BMP7: variants seen among roughly 807,000 people sequenced by gnomAD.
The protein encoded by BMP7 is osteogenic protein 1.
A neutral mutation model predicts 41.2 loss-of-function variants in BMP7; 12 were observed. The observed-to-expected ratio is 0.29, with a 90% CI of 0.19 to 0.47. BMP7 has a LOEUF of 0.47. Among genes scored for constraint, BMP7 ranks in the 20% least tolerant of loss-of-function variants. The probability of loss-of-function intolerance (pLI) is 0.99; values close to 1 mark genes in which losing one functional copy is unlikely to be tolerated. For synonymous variants in BMP7, 248 were observed against 250.0 expected (o/e 0.99, Z 0.07); for missense variants, 467 against 606.0 (o/e 0.77, Z 2.41).
chr20:57,213,376 G>C lies in BMP7; in HGVS notation c.612-10753C>G, dbSNP rs2123102048. Among the ~76,000 whole-genome samples, 1 of 152,356 alleles carries C rather than the reference G, an allele frequency of 6.6e-6. No individual in the cohort carries two copies. Among genetic ancestry groups the C allele is most frequent in the East Asian group, 1.9e-4 (1 of 5,194 alleles). On this transcript the variant is annotated intron_variant, in intron 2 of 6. Coordinates refer to ENST00000395863, the MANE Select transcript of BMP7 (RefSeq NM_001719.3). This position sits in a 1 kb window ranked among gnomAD's most constrained non-coding sequence, Gnocchi z 4.4. ...CAACTTATTAATAGGATAGCTAAGAGAGGAAAATGAGAGGATCAAAAATCC... is the reference window on the plus strand; with the variant it reads ...CAACTTATTAATAGGATAGCTAAGACAGGAAAATGAGAGGATCAAAAATCC...
At chr20:57,216,515 G>A (rs1414857851) in intron 2 of BMP7, among the ~76,000 whole-genome samples, 3 of 151,210 alleles carry the variant, frequency 2.0e-5, no homozygotes, top group Non-Finnish European at 3.0e-5. Context: ...CGAGGGGGCT[G>A]TCTCCTGAGG....
At chr20:57,246,768 C>G (rs2066092184) in intron 1 of BMP7, among the ~76,000 whole-genome samples, 1 of 152,170 alleles carries the variant, frequency 6.6e-6, no homozygotes, top group South Asian at 2.1e-4. Flanking sequence ...GTGGGCGGAT[C>G]ACCTGAGGTT....
At chr20:57,206,653 C>T (rs1038988094) in intron 2 of BMP7, among the ~76,000 whole-genome samples, 2 of 152,182 alleles carry the variant, frequency 1.3e-5, no homozygotes, top group African/African-American at 4.8e-5. Context: ...CCAGATAATT[C>T]CCGTGTCTTG....
At chr20:57,262,068 C>G (rs1439591586) in intron 1 of BMP7, among the ~76,000 whole-genome samples, 1 of 152,200 alleles carries the variant, frequency 6.6e-6, no homozygotes, top group African/African-American at 2.4e-5. Flanking sequence ...AAATTTCATG[C>G]CTTCATTACC....
At chr20:57,208,520 A>G (rs1984796590) in intron 2 of BMP7, among the ~76,000 whole-genome samples, 1 of 152,200 alleles carries the variant, frequency 6.6e-6, no homozygotes, top group African/African-American at 2.4e-5. Flanking sequence ...GCCACTCTGG[A>G]AAACAGTATA....
Position 57,233,554 on chromosome 20 carries a change from C to A in BMP7, c.419-5133G>T, listed in dbSNP as rs113603576. ...AGAAGCTGCCCACCTGGGCGCCCCC[C>A]CTTCATGATCCTCTGCCATGCCAGG... On this transcript the variant is annotated intron_variant, in intron 1 of 6. Transcript: ENST00000395863. Among the ~76,000 whole-genome samples the A allele has an allele frequency of 4.6e-5, 7 of 152,332 alleles. No individual in the cohort carries two copies. In the East Asian group the frequency reaches 1.4e-3, roughly 29 times the overall value.
chr20:57,188,991 T>C (rs1236641056), intron 3 of BMP7, among the ~76,000 whole-genome samples: 4 of 152,194 alleles, frequency 2.6e-5, no homozygotes, highest in African/African-American at 9.6e-5. Context: ...CTCCCTTCCG[T>C]CTGGGTTTAC....
At chr20:57,196,368 G>A (rs1358451109) in intron 3 of BMP7, among the ~76,000 whole-genome samples, 1 of 152,170 alleles carries the variant, frequency 6.6e-6, no homozygotes, top group African/African-American at 2.4e-5. Flanking sequence ...TCAGTACATG[G>A]TCTCTCGTTC....
intron 2 of BMP7, among the ~76,000 whole-genome samples, chr20:57,222,767 T>C (rs59395874): frequency 0.081 from 12,309 of 151,410 alleles, 1,690 homozygotes; most frequent in African/African-American, 0.28. Context: ...TGAGGTGTAG[T>C]GGCAAGGGGT....
intron 4 of BMP7, among the ~76,000 whole-genome samples, chr20:57,180,610 TC>T (rs1474576391): frequency 6.6e-6 from 1 of 152,198 alleles, no homozygotes; most frequent in Non-Finnish European, 1.5e-5. Context: ...GTGTGGGTGT[TC>T]GACATTGAAT....
chr20:57,171,838 A>G lies in BMP7; in HGVS notation c.1147-730T>C, dbSNP rs1324838048. On this transcript the variant is annotated intron_variant, in intron 6 of 6. Transcript: ENST00000395863. The surrounding 1 kb of genome is among the most constrained non-coding windows in gnomAD (Gnocchi z 4.5). Reference sequence around the variant, plus strand: ...ACATAGGCCAGCATGCTTTTTACACATTTTATGATGGACAATTTCAAACTC... The same window carrying G: ...ACATAGGCCAGCATGCTTTTTACACGTTTTATGATGGACAATTTCAAACTC... Among the ~76,000 whole-genome samples, 1 of 152,172 alleles carries G rather than the reference A, an allele frequency of 6.6e-6. No individual in the cohort carries two copies. The highest frequency in any genetic ancestry group is 1.5e-5 in the Non-Finnish European group (1 of 68,036).
At position 57,194,610 on chromosome 20, in the gene BMP7, A is replaced by G. The variant is rs140934339; in HGVS notation, c.760+7865T>C. Among the ~76,000 whole-genome samples the G allele has an allele frequency of 2.0e-3, 311 of 152,348 alleles. 2 individuals are homozygous for G. Among genetic ancestry groups the G allele is most frequent in the East Asian group, 8.7e-3 (45 of 5,184 alleles). On this transcript the variant is annotated intron_variant, in intron 3 of 6. Coordinates refer to ENST00000395863, the MANE Select transcript of BMP7 (RefSeq NM_001719.3). ...TCATTATTTTCTATTATTTGCCAGT[A>G]TAAGTATTCTGGGTACAGTTGATTC...
Position 57,228,019 on chromosome 20 carries a change from C to A in BMP7, c.611+210G>T, listed in dbSNP as rs2066014156. ...CCACAAGGCACCACGCATCCCTGGG[C>A]TCCCTGGCCTTCTACTATTCCTGAA... On this transcript the variant is annotated intron_variant, in intron 2 of 6. Transcript: ENST00000395863. This position sits in a 1 kb window ranked among gnomAD's most constrained non-coding sequence, Gnocchi z 4.5. 6.6e-6 allele frequency among the ~76,000 whole-genome samples: 1 copy of A among 152,164 alleles called. No individual in the cohort carries two copies. The highest frequency in any genetic ancestry group is 2.1e-4 in the South Asian group (1 of 4,820).
intron 1 of BMP7, among the ~76,000 whole-genome samples, chr20:57,249,949 A>T (rs2066105536): frequency 6.6e-6 from 1 of 152,016 alleles, no homozygotes. Context: ...GGCCCAGAGC[A>T]CTCCAACCCC....
chr20:57,205,870 T>G (rs116272202), intron 2 of BMP7, among the ~76,000 whole-genome samples: 2,913 of 152,256 alleles, frequency 0.019, 94 homozygotes, highest in African/African-American at 0.064. Flanking sequence ...AAGTCATAGT[T>G]TGCAATTTGT....
rs970689423 is a variant in BMP7 at position 57,218,389 on chromosome 20, C to T, written c.611+9840G>A. 2.1e-4 allele frequency among the ~76,000 whole-genome samples: 14 copies of T among 65,648 alleles called. No individual in the cohort carries two copies. In the Admixed American group the frequency reaches 2.2e-3, roughly 10 times the overall value. The allele number at this position is 65,648 out of a possible 152,430, so 43.1% of individuals were successfully genotyped here. On this transcript the variant is annotated intron_variant, in intron 2 of 6. Transcript: ENST00000395863. ...TCGGACAGATGTGTGTGAGGAGCTG[C>T]ACAGCTGGTGTTTGGTGGTAGCTGG... is the stretch of plus-strand genomic sequence containing the variant.
intron 3 of BMP7, among the ~76,000 whole-genome samples, chr20:57,190,158 TGGAGAGAG>T: frequency 1.3e-5 from 2 of 150,260 alleles, no homozygotes; most frequent in African/African-American, 4.9e-5. Flanking sequence ...GGGGTGAAGC[TGGAGAGAG>T]TGAGCCAGGA....
rs775327441 is a variant in BMP7 at position 57,224,237 on chromosome 20, G to C, written c.611+3992C>G. Among the ~76,000 whole-genome samples the C allele has an allele frequency of 1.3e-5, 2 of 152,160 alleles. No homozygotes were observed. The highest frequency in any genetic ancestry group is 4.8e-5 in the African/African-American group (2 of 41,426). ...GCAGCTGATCCAAATCTTGGCCCTC[G>C]AGACCACGCTGAGGTCACCCTCCTG... On this transcript the variant is annotated intron_variant, in intron 2 of 6. Transcript: ENST00000395863. This position sits in a 1 kb window ranked among gnomAD's most constrained non-coding sequence, Gnocchi z 4.8.
chr20:57,225,714 A>T (rs6025451), intron 2 of BMP7: 21,810 of 261,074 alleles, frequency 0.084, 4,238 homozygotes, highest in African/African-American at 0.43. Flanking sequence ...TATATTTTTT[A>T]AATTTAACCA....
Sources: gnomAD v4.1 joint callset for allele counts (sites outside exome capture counted in the v4.1 genomes callset) on GRCh38, gnomAD v4.1.1 for gene constraint, Gnocchi (gnomAD v3.1) non-coding constraint, MANE v1.5 for transcripts, NCBI Gene and HGNC (gene_info 2026-07-23, HGNC 2026-07-21) for gene names.